COL3A1: variants seen among roughly 807,000 people sequenced by gnomAD.
The protein encoded by COL3A1 is collagen type III alpha 1 chain.
COL3A1 carries 46 observed loss-of-function variants against 200.9 expected under a neutral mutation model. The ratio of observed to expected loss-of-function variants is 0.23; its 90% CI spans 0.18 to 0.29. COL3A1 has a LOEUF of 0.29. Ranked by LOEUF, COL3A1 falls within the 10% of genes least tolerant of loss-of-function variation. COL3A1 has a pLI of 1.00. For missense variants in COL3A1, 1,367 were observed against 1,917.6 expected (o/e 0.71, Z 5.36); for synonymous variants, 650 against 628.0 (o/e 1.03, Z -0.52).
intron 1 of COL3A1, among the ~76,000 whole-genome samples, chr2:188,980,285 T>C (rs927544952): frequency 2.0e-5 from 3 of 151,184 alleles, no homozygotes; most frequent in Admixed American, 6.6e-5. Flanking sequence ...ATTTTCTAAT[T>C]ATCTAATTAT....
chr2:189,004,199 C>A (rs996580465), intron 39 of COL3A1, 56 bp downstream of exon 39: 41 of 1,607,602 alleles, frequency 2.6e-5, no homozygotes, highest in Non-Finnish European at 3.4e-5. Flanking sequence ...TATCACAAAT[C>A]GATTAGAGAA....
At position 189,007,161 on chromosome 2, in the gene COL3A1, TGATAGATAGATAGATAGATAGATA is replaced by T. The variant is rs60243485; in HGVS notation, c.3255+198_3255+221del. 2.7e-3 allele frequency among the ~76,000 whole-genome samples: 313 copies of T among 116,324 alleles called. 1 individual carries two copies. The highest frequency in any genetic ancestry group is 8.1e-3 in the African/African-American group (260 of 31,944). The allele number at this position is 116,324 out of a possible 152,430, so 76.3% of individuals were successfully genotyped here. On this transcript the variant is annotated intron_variant, in intron 44 of 50. Transcript: ENST00000304636. ...TATATTTGTTCTATCTATAGATAGA[TGATAGATAGATAGATAGATAGATA>T]GATAGATAGATAGATAGATAGATAG...
intron 15 of COL3A1, 90 bp downstream of exon 15, chr2:188,993,030 C>T (rs939547842): frequency 2.0e-5 from 23 of 1,174,034 alleles, no homozygotes; most frequent in Non-Finnish European, 2.9e-5. Flanking sequence ...TTTTTTTAAT[C>T]AGTCAAATGG....
chr2:188,985,166 T>A, intron 2 of COL3A1, 31 bp from the exon 3 acceptor site: 1 of 1,605,290 alleles, frequency 6.2e-7, no homozygotes, highest in Non-Finnish European at 8.5e-7. Flanking sequence ...ATTCTGTGTC[T>A]TGTTTAACTT....
chr2:188,994,786 T>A lies in COL3A1; in HGVS notation c.1410T>A (p.Pro470=), dbSNP rs1010477216. The part of the protein sequence containing the change: ...AKGEDGKDGS[P]GEPGANGLPG... ...GCGAAGATGGCAAGGATGGATCACCTGGAGAACCTGGTGCAAATGGGCTTC... is the reference window on the plus strand; with the variant it reads ...GCGAAGATGGCAAGGATGGATCACCAGGAGAACCTGGTGCAAATGGGCTTC... The change falls in exon 20 of 51, where the codon CCT becomes CCA. Residue 470 remains proline, a synonymous_variant. Coordinates refer to ENST00000304636, the MANE Select transcript of COL3A1 (RefSeq NM_000090.4). This position sits in a 1 kb window ranked among gnomAD's most constrained non-coding sequence, Gnocchi z 4.5. 1 of 1,613,908 alleles carries A rather than the reference T, an allele frequency of 6.2e-7. No individual in the cohort carries two copies. The highest frequency in any genetic ancestry group is 2.2e-5 in the East Asian group (1 of 44,868).
intron 34 of COL3A1, among the ~76,000 whole-genome samples, chr2:189,001,820 G>A (rs1056829814): frequency 4.6e-5 from 7 of 151,900 alleles, no homozygotes; most frequent in Admixed American, 1.3e-4. Context: ...AATAACTTTG[G>A]AAAAAATACA....
chr2:189,003,937 G>T (rs554247198), intron 38 of COL3A1, 45 bp from the exon 39 acceptor site: 10 of 1,566,758 alleles, frequency 6.4e-6, no homozygotes, highest in Middle Eastern at 1.9e-4. Flanking sequence ...AAGAAAAAAT[G>T]CACTTTTTAT....
At chr2:188,985,122 T>A in intron 2 of COL3A1, 75 bp from the exon 3 acceptor site, 1 of 1,474,996 alleles carries the variant, frequency 6.8e-7, no homozygotes. Flanking sequence ...AAGATAAGGA[T>A]TGGTTAGAAT....
chr2:188,995,487 C>T (rs1342193045), intron 21 of COL3A1: 8 of 566,530 alleles, frequency 1.4e-5, no homozygotes, highest in Non-Finnish European at 2.2e-5. Context: ...TTTTATTAAG[C>T]ATGTGATGTT....
At chr2:189,007,397 G>A in intron 44 of COL3A1, 103 bp from the exon 45 acceptor site, 1 of 916,884 alleles carries the variant, frequency 1.1e-6, no homozygotes, top group Non-Finnish European at 1.7e-6. Flanking sequence ...GGATTTTTTA[G>A]CTGATAGAAA....
At chr2:188,976,037 A>G (rs1286037165) in intron 1 of COL3A1, among the ~76,000 whole-genome samples, 1 of 148,902 alleles carries the variant, frequency 6.7e-6, no homozygotes, top group Non-Finnish European at 1.5e-5. Flanking sequence ...TTTCCCCTGA[A>G]CTCTCAATCC....
chr2:189,008,618 T>C (rs2153504041), intron 47 of COL3A1: 1 of 484,530 alleles, frequency 2.1e-6, no homozygotes, highest in South Asian at 2.3e-5. Flanking sequence ...CATGTCAATA[T>C]TGGAATTGTA....
chr2:188,996,913 C>T (rs949031597), intron 24 of COL3A1, among the ~76,000 whole-genome samples: 7 of 151,952 alleles, frequency 4.6e-5, no homozygotes, highest in Middle Eastern at 3.2e-3. Flanking sequence ...CACTAGAACC[C>T]GGGGGGCAGA....
rs1007902439 is a variant in COL3A1 at position 188,992,817 on chromosome 2, C to T, written c.997-70C>T. 3 of 1,214,966 alleles carry T rather than the reference C, an allele frequency of 2.5e-6. No individual in the cohort carries two copies. In the African/African-American group the frequency reaches 4.5e-5, roughly 18 times the overall value. The allele number at this position is 1,214,966 out of a possible 1,614,324, so 75.3% of individuals were successfully genotyped here. A position where few individuals can be genotyped will look rare whatever the true frequency, so the allele number is the denominator to read the frequency against. ...ATCTTCTTTACTTTATATGTGCTCA[C>T]TTATTTACTAGTATGTCAGCTTTCA... On this transcript the variant is annotated intron_variant, in intron 14 of 50. Coordinates refer to ENST00000304636, the MANE Select transcript of COL3A1 (RefSeq NM_000090.4).
Position 188,992,302 on chromosome 2 carries a change from T to C in COL3A1, c.996+74T>C, listed in dbSNP as rs1688206072. On this transcript the variant is annotated intron_variant, in intron 14 of 50. Transcript: ENST00000304636. Reference sequence around the variant, plus strand: ...GGATTGTGGATTATTTAATATTTTATATATGTATATACTCTTAGGTATATA... The same window carrying C: ...GGATTGTGGATTATTTAATATTTTACATATGTATATACTCTTAGGTATATA... 4 of 1,260,954 alleles carry C rather than the reference T, an allele frequency of 3.2e-6. No homozygotes were observed. The Admixed American group carries it at 5.1e-5, about 16-fold the overall frequency. 78.1% of individuals were successfully genotyped at this position (1,260,954 alleles called of 1,614,324 possible).
In COL3A1 at chr2:189,006,276, T is replaced by G; in HGVS notation, c.3093+17T>G. On this transcript the variant is annotated intron_variant, in intron 42 of 50. Transcript: ENST00000304636. ...GGTGGCAAGGTATAATAAACACATG[T>G]GCAATTGATTTGTGTTATCAAAATA... 6.2e-7 allele frequency: 1 copy of G among 1,614,048 alleles called. No individual in the cohort carries two copies. Among genetic ancestry groups the G allele is most frequent in the South Asian group, 1.1e-5 (1 of 91,074 alleles).
At chr2:189,006,111 C>A in intron 41 of COL3A1, 95 bp from the exon 42 acceptor site, 3 of 1,319,044 alleles carry the variant, frequency 2.3e-6, no homozygotes, top group Non-Finnish European at 3.2e-6. Context: ...ATTTTAACCC[C>A]CTTGAGAATT....
chr2:188,991,717 G>C lies in COL3A1; in HGVS notation c.946G>C (p.Ala316Pro), dbSNP rs958176385. The stretch of plus-strand genomic sequence containing the variant: ...GCGAGGACGGCCAGGACTTCCTGGG[G>C]CTGCAGTGAGTATAGCTGCTAACAT... ...GERGRPGLPG[A>P]AGARGNDGAR... The change falls in exon 13 of 51, where the codon GCT becomes CCT. Residue 316 changes from alanine to proline, a missense_variant. Physicochemically the swap from Ala to Pro is conservative, Grantham distance 27 (BLOSUM62 -1). Coordinates refer to ENST00000304636, the MANE Select transcript of COL3A1 (RefSeq NM_000090.4). The C allele has an allele frequency of 6.2e-7, 1 of 1,613,856 alleles. No individual in the cohort carries two copies. Among genetic ancestry groups the C allele is most frequent in the Non-Finnish European group, 8.5e-7 (1 of 1,179,928 alleles).
At chr2:188,993,030 C>G in intron 15 of COL3A1, 90 bp downstream of exon 15, 1 of 1,174,154 alleles carries the variant, frequency 8.5e-7, no homozygotes, top group Middle Eastern at 2.3e-4. Context: ...TTTTTTTAAT[C>G]AGTCAAATGG....
Sources: allele counts gnomAD v4.1 joint callset (sites outside exome capture counted in the v4.1 genomes callset), GRCh38; gene constraint gnomAD v4.1.1; non-coding constraint Gnocchi (gnomAD v3.1); transcripts MANE v1.5; gene names NCBI Gene and HGNC (gene_info 2026-07-23, HGNC 2026-07-21).